Variants in MYL3 observed in about 807,000 individuals in gnomAD.
MYL3 encodes the protein myosin light chain 3, also known as CMLC1.
In MYL3, 11 loss-of-function variants were observed where a neutral mutation model predicts 21.3. The ratio of observed to expected loss-of-function variants is 0.52; its 90% CI spans 0.32 to 0.85. The LOEUF is 0.85. Among genes scored for constraint, MYL3 ranks in the 40% least tolerant of loss-of-function variants. The pLI, the probability that MYL3 is intolerant of heterozygous loss-of-function variation, is 0.03. For synonymous variants in MYL3, 88 were observed against 91.6 expected (o/e 0.96, Z 0.22); for missense variants, 206 against 253.3 (o/e 0.81, Z 1.27).
At chr3:46,872,823 G>A (rs747347005) in intron 1 of MYL3, among the ~76,000 whole-genome samples, 3 of 152,334 alleles carry the variant, frequency 2.0e-5, no homozygotes, top group South Asian at 2.1e-4. Flanking sequence ...ATCTCATAAC[G>A]TTTCCTGGAG....
At chr3:46,878,973 C>T (rs186567865) in intron 1 of MYL3, among the ~76,000 whole-genome samples, 265 of 152,346 alleles carry the variant, frequency 1.7e-3, no homozygotes, top group Non-Finnish European at 2.2e-3. Context: ...CAGAAACTGA[C>T]TCTGAGCCCC....
At position 46,860,921 on chromosome 3, in the gene MYL3, C is replaced by G. The variant is rs781740041; in HGVS notation, c.157+39G>C. 1 of 1,614,146 alleles carries G rather than the reference C, an allele frequency of 6.2e-7. No individual in the cohort carries two copies. The highest frequency in any genetic ancestry group is 8.5e-7 in the Non-Finnish European group (1 of 1,180,024). On this transcript the variant is annotated intron_variant, in intron 2 of 6. Transcript: ENST00000292327. This position sits in a 1 kb window ranked among gnomAD's most constrained non-coding sequence, Gnocchi z 4.6. ...GGACCCTCAGACCAGGGAACCCCAG[C>G]CCAATCCTGCAACCCCTGGGTTCAA...
rs73833653 is a variant in MYL3 at position 46,860,051 on chromosome 3, C to T, written c.308-403G>A. Among the ~76,000 whole-genome samples the T allele has an allele frequency of 0.011, 1,632 of 151,934 alleles. 27 individuals are homozygous for T. Among genetic ancestry groups the T allele is most frequent in the African/African-American group, 0.038 (1,565 of 41,444 alleles). Reference sequence around the variant, plus strand: ...GAGACCTTCCCTGGGACTTTTGAACCCTTGGTGGGGGCTTGGGCCTCACTC... The same window carrying T: ...GAGACCTTCCCTGGGACTTTTGAACTCTTGGTGGGGGCTTGGGCCTCACTC... On this transcript the variant is annotated intron_variant, in intron 3 of 6. Coordinates refer to ENST00000292327, the MANE Select transcript of MYL3 (RefSeq NM_000258.3). The surrounding 1 kb of genome is among the most constrained non-coding windows in gnomAD (Gnocchi z 4.6).
chr3:46,858,262 C>T lies in MYL3; in HGVS notation c.570G>A (p.Lys190=), dbSNP rs374293766. Residue 190 remains lysine, a synonymous_variant, in exon 6 of 7, where the codon AAG becomes AAA. Coordinates refer to ENST00000292327, the MANE Select transcript of MYL3 (RefSeq NM_000258.3). Reference sequence around the variant, plus strand: ...ACGAGGTTTAGCTGGACATGATGTGCTTCACAAATGCTGGAAAGAAGAGGA... The same window carrying T: ...ACGAGGTTTAGCTGGACATGATGTGTTTCACAAATGCTGGAAAGAAGAGGA... ...NGCINYEAFV[K]HIMSS is the part of the protein sequence containing the mutation. 6.2e-7 allele frequency: 1 copy of T among 1,614,126 alleles called. No individual in the cohort carries two copies. Among genetic ancestry groups the T allele is most frequent in the Non-Finnish European group, 8.5e-7 (1 of 1,180,020 alleles).
At chr3:46,878,195 A>G (rs2030346302) in intron 1 of MYL3, among the ~76,000 whole-genome samples, 1 of 152,228 alleles carries the variant, frequency 6.6e-6, no homozygotes, top group Non-Finnish European at 1.5e-5. Context: ...GGGGCTACCC[A>G]GCCAGCTGCC....
At chr3:46,876,676 C>T (rs553510867) in intron 1 of MYL3, among the ~76,000 whole-genome samples, 2 of 152,274 alleles carry the variant, frequency 1.3e-5, no homozygotes, top group South Asian at 4.1e-4. Context: ...GGGAGGGGGG[C>T]CCTAGGAATG....
intron 1 of MYL3, chr3:46,877,757 G>A (rs983646870): frequency 2.6e-5 from 4 of 152,268 alleles, no homozygotes; most frequent in African/African-American, 7.2e-5. Context: ...CACAGAAGCT[G>A]CTCAGGGACT....
intron 1 of MYL3, among the ~76,000 whole-genome samples, chr3:46,875,876 C>A (rs1189574484): frequency 6.6e-6 from 1 of 152,320 alleles, no homozygotes; most frequent in South Asian, 2.1e-4. Context: ...GGGCCGGGCC[C>A]GAGTAAACAT....
At chr3:46,873,054 G>A (rs537895549) in intron 1 of MYL3, among the ~76,000 whole-genome samples, 9 of 152,324 alleles carry the variant, frequency 5.9e-5, no homozygotes, top group African/African-American at 2.2e-4. Flanking sequence ...CTGTCCTCAA[G>A]GGCTCGCCGT....
chr3:46,880,040 AAAG>A (rs1271845198), intron 1 of MYL3, among the ~76,000 whole-genome samples: 1 of 152,220 alleles, frequency 6.6e-6, no homozygotes, highest in Non-Finnish European at 1.5e-5. Flanking sequence ...TCAAAAAAGA[AAAG>A]AAACAGAGGC....
At position 46,858,111 on chromosome 3, in the gene MYL3, A is replaced by G; in HGVS notation, c.*14-10T>C. On this transcript the variant is annotated splice_polypyrimidine_tract_variant and intron_variant, in intron 6 of 6. Coordinates refer to ENST00000292327, the MANE Select transcript of MYL3 (RefSeq NM_000258.3). Reference sequence around the variant, plus strand: ...GCCTTCCCTGGGCTTCCTGAGAGCAAAGGCAGTGCAGATTACAGAGGAGGA... The same window carrying G: ...GCCTTCCCTGGGCTTCCTGAGAGCAGAGGCAGTGCAGATTACAGAGGAGGA... 1 of 1,200,236 alleles carries G rather than the reference A, an allele frequency of 8.3e-7. No homozygotes were observed. Among genetic ancestry groups the G allele is most frequent in the Non-Finnish European group, 1.2e-6 (1 of 812,366 alleles). 74.3% of individuals were successfully genotyped at this position (1,200,236 alleles called of 1,614,324 possible). A position where few individuals can be genotyped will look rare whatever the true frequency, so the allele number is the denominator to read the frequency against.
intron 1 of MYL3, among the ~76,000 whole-genome samples, chr3:46,870,818 A>C (rs1183046039): frequency 1.3e-5 from 2 of 151,972 alleles, no homozygotes. Context: ...TTCCACCAGT[A>C]CTGGGACAGC....
rs79590911 is a variant in MYL3, at chr3:46,861,379, G to A, written c.130-392C>T. ...GCTTTGCTTGGGGCCTGGTGGGCAG[G>A]ACTGTCAGCAAAAGTGAGATGGGAG... is the stretch of plus-strand genomic sequence containing the variant. On this transcript the variant is annotated intron_variant, in intron 1 of 6. Transcript: ENST00000292327. The surrounding 1 kb of genome is among the most constrained non-coding windows in gnomAD (Gnocchi z 4.2). 8.3e-4 allele frequency among the ~76,000 whole-genome samples: 126 copies of A among 152,368 alleles called. 4 individuals are homozygous for A. In the East Asian group the frequency reaches 0.023, roughly 28 times the overall value.
chr3:46,858,692 G>A (rs1486067004), intron 4 of MYL3, among the ~76,000 whole-genome samples: 1 of 152,178 alleles, frequency 6.6e-6, no homozygotes, highest in East Asian at 1.9e-4. Flanking sequence ...TAGGCTGGGA[G>A]GGGGTCCCTC....
chr3:46,878,576 A>C (rs1473385), intron 1 of MYL3, among the ~76,000 whole-genome samples: 11,412 of 152,162 alleles, frequency 0.075, 1,476 homozygotes, highest in African/African-American at 0.26. Flanking sequence ...TCAGAAATAG[A>C]TGTGAGCCAT....
intron 1 of MYL3, among the ~76,000 whole-genome samples, chr3:46,880,795 T>G (rs571744284): frequency 6.6e-6 from 1 of 152,030 alleles, no homozygotes; most frequent in Non-Finnish European, 1.5e-5. Context: ...ACATGGGGAA[T>G]GCACCTGGGA....
intron 1 of MYL3, among the ~76,000 whole-genome samples, chr3:46,881,318 C>T (rs1377386125): frequency 6.6e-6 from 1 of 152,214 alleles, no homozygotes; most frequent in Non-Finnish European, 1.5e-5. Flanking sequence ...AGCGTGCCCT[C>T]CCCAGCCAAA....
rs1008280063 is a variant in MYL3 at position 46,860,235 on chromosome 3, C to A, written c.307+441G>T. Among the ~76,000 whole-genome samples the A allele has an allele frequency of 1.3e-5, 2 of 152,096 alleles. No homozygotes were observed. The highest frequency in any genetic ancestry group is 1.3e-4 in the Admixed American group (2 of 15,264). On this transcript the variant is annotated intron_variant, in intron 3 of 6. Coordinates refer to ENST00000292327, the MANE Select transcript of MYL3 (RefSeq NM_000258.3). This position sits in a 1 kb window ranked among gnomAD's most constrained non-coding sequence, Gnocchi z 4.6. ...CCTCAAATTCCTGGGCTCACGGGAT[C>A]CTCCTGGCTCAGCTTCCTGAGTAGC...
rs1701975803 is a variant in MYL3, at chr3:46,860,144, G to C, written c.308-496C>G. ...TTATTCATTCATTTATTTATTTTTA[G>C]ACACGAGGTCTTCTTGTTACGTCAC... is the stretch of plus-strand genomic sequence containing the variant. On this transcript the variant is annotated intron_variant, in intron 3 of 6. Transcript: ENST00000292327. The surrounding 1 kb of genome is among the most constrained non-coding windows in gnomAD (Gnocchi z 4.6). Among the ~76,000 whole-genome samples the C allele has an allele frequency of 6.6e-6, 1 of 150,412 alleles. No individual in the cohort carries two copies. The highest frequency in any genetic ancestry group is 2.5e-5 in the African/African-American group (1 of 40,704).
Sources: gnomAD v4.1 joint callset for allele counts (sites outside exome capture counted in the v4.1 genomes callset) on GRCh38, gnomAD v4.1.1 for gene constraint, Gnocchi (gnomAD v3.1) non-coding constraint, MANE v1.5 for transcripts, NCBI Gene and HGNC (gene_info 2026-07-23, HGNC 2026-07-21) for gene names.